The following CHD8 variants were observed in gnomAD, a reference collection of about 807,000 sequenced individuals.
CHD8 encodes the protein chromodomain helicase DNA binding protein 8, also known as ATP-dependent chromatin remodeler CHD8.
A neutral mutation model predicts 279.2 loss-of-function variants in CHD8; 31 were observed. The ratio of observed to expected loss-of-function variants is 0.11; its 90% CI spans 0.08 to 0.15. CHD8 has a LOEUF of 0.15. CHD8 is among the 10% of genes least tolerant of loss of function. CHD8 has a pLI of 1.00. For missense variants in CHD8, 2,146 were observed against 3,230.5 expected (o/e 0.66, Z 8.14); for synonymous variants, 1,081 against 1,139.6 (o/e 0.95, Z 1.04).
intron 1 of CHD8, 37 bp downstream of exon 1, chr14:21,455,995 C>G (rs1566460738): frequency 6.5e-6 from 1 of 152,676 alleles, no homozygotes; most frequent in Non-Finnish European, 1.5e-5. Flanking sequence ...TGACTCCTGG[C>G]CCAGCACTGA....
intron 1 of CHD8, among the ~76,000 whole-genome samples, chr14:21,445,786 G>A (rs1180806437): frequency 6.6e-6 from 1 of 150,956 alleles, no homozygotes; most frequent in African/African-American, 2.4e-5. Context: ...TGGATCACGA[G>A]GTCAGGAGTT....
At position 21,406,874 on chromosome 14, in the gene CHD8, A is replaced by G. The variant is rs571233967; in HGVS notation, c.2889T>C (p.Ser963=). 2 of 1,613,468 alleles carry G rather than the reference A, an allele frequency of 1.2e-6. No individual in the cohort carries two copies. Among genetic ancestry groups the G allele is most frequent in the Non-Finnish European group, 1.7e-6 (2 of 1,179,678 alleles). The change falls in exon 14 of 38, where the codon AGT becomes AGC. Residue 963 remains serine, a synonymous_variant. Transcript: ENST00000646647. ...LKNRNCKLLD[S]LKHMDLEHKV... ...AACTCACCAGGTCCATGTGCTTGAG[A>G]CTATCAAGCAGCTTGCAATTACGGT...
intron 16 of CHD8, among the ~76,000 whole-genome samples, chr14:21,404,567 G>A (rs115390303): frequency 0.013 from 1,929 of 152,272 alleles, 49 homozygotes; most frequent in African/African-American, 0.042. Context: ...CAGCAAAATG[G>A]AGTGTCGATG....
At position 21,412,897 on chromosome 14, in the gene CHD8, T is replaced by C. The variant is rs535796239; in HGVS notation, c.2226+16A>G. ...CTAAGAGGATGTTCACGTTACTCCATGCCTCAACAACTCACCTCCCCATTG... is the reference window on the plus strand; with the variant it reads ...CTAAGAGGATGTTCACGTTACTCCACGCCTCAACAACTCACCTCCCCATTG... On this transcript the variant is annotated intron_variant, in intron 10 of 37. Coordinates refer to ENST00000646647, the MANE Select transcript of CHD8 (RefSeq NM_001170629.2). 92 of 1,510,430 alleles carry C rather than the reference T, an allele frequency of 6.1e-5. 1 individual carries two copies. The South Asian group carries it at 8.2e-4, about 14-fold the overall frequency. The allele number at this position is 1,510,430 out of a possible 1,614,324, so 93.6% of individuals were successfully genotyped here. A position where few individuals can be genotyped will look rare whatever the true frequency, so the allele number is the denominator to read the frequency against.
Position 21,386,173 on chromosome 14 carries a change from G to T in CHD8, c.7186C>A (p.His2396Asn), listed in dbSNP as rs1367921517. 6.4e-7 allele frequency: 1 copy of T among 1,551,332 alleles called. No homozygotes were observed. The highest frequency in any genetic ancestry group is 8.7e-7 in the Non-Finnish European group (1 of 1,146,732). The change falls in exon 38 of 38, where the codon CAT becomes AAT. Residue 2396 changes from histidine to asparagine, a missense_variant. By Grantham distance (68) the His-to-Asn change is moderately conservative. Coordinates refer to ENST00000646647, the MANE Select transcript of CHD8 (RefSeq NM_001170629.2). ...CGGTTGAACACCGTTTCAGTGTGAT[G>T]ACCCTAGGAGGAGGGAATAGAAGAT... Reference protein sequence around the residue: ...TANSRNGKKGHHTETVFNRVL... With the variant: ...TANSRNGKKGNHTETVFNRVL...
Position 21,454,619 on chromosome 14 carries a change from T to C in CHD8, c.-216+1413A>G, listed in dbSNP as rs568468364. Among the ~76,000 whole-genome samples, 98 of 152,306 alleles carry C rather than the reference T, an allele frequency of 6.4e-4. No individual in the cohort carries two copies. In the Middle Eastern group the frequency reaches 0.017, roughly 26 times the overall value. ...CTGAGATTACAAGCGTGAGCCACTA[T>C]TTCAGTTTTAAACTTTCTCCTAAGC... is the stretch of plus-strand genomic sequence containing the variant. On this transcript the variant is annotated intron_variant, in intron 1 of 37. Transcript: ENST00000646647.
Position 21,385,361 on chromosome 14 carries a change from C to T in CHD8, c.*252G>A. 1.8e-6 allele frequency: 1 copy of T among 549,456 alleles called. No individual in the cohort carries two copies. The highest frequency in any genetic ancestry group is 3.1e-6 in the Non-Finnish European group (1 of 322,092). The allele number at this position is 549,456 out of a possible 1,614,324, so 34.0% of individuals were successfully genotyped here. On this transcript the variant is annotated 3_prime_UTR_variant, in exon 38 of 38. Coordinates refer to ENST00000646647, the MANE Select transcript of CHD8 (RefSeq NM_001170629.2). ...GGTGACTAGGGAGGGGTGAGCACAC[C>T]AGCTGCTCTAGTCTCCTTTCCTTCC...
At chr14:21,437,127 G>C in intron 1 of CHD8, 1 of 947,408 alleles carries the variant, frequency 1.1e-6, no homozygotes, top group Non-Finnish European at 1.4e-6. Context: ...AGGCCGAGAG[G>C]CCCGACAAGC....
intron 1 of CHD8, among the ~76,000 whole-genome samples, chr14:21,447,671 C>T (rs1890160563): frequency 6.6e-6 from 1 of 152,054 alleles, no homozygotes; most frequent in African/African-American, 2.4e-5. Flanking sequence ...TGCGCCCGGC[C>T]GGATGACACT....
At position 21,414,338 on chromosome 14, in the gene CHD8, T is replaced by C. The variant is rs1888628991; in HGVS notation, c.2105A>G (p.Lys702Arg). 2.5e-6 allele frequency: 4 copies of C among 1,572,694 alleles called. No individual in the cohort carries two copies. The highest frequency in any genetic ancestry group is 2.3e-5 in the East Asian group (1 of 43,870). Residue 702 changes from lysine (K) to arginine (R), a missense_variant, in exon 9 of 38, where the codon AAA becomes AGA. Lys to Arg is a conservative substitution (Grantham distance 26). Transcript: ENST00000646647. ...GTGTCTCATCTGAGCCATTTTGGTT[T>C]TGAAGCGCTTTAATTTTTGATGTAT... Reference protein sequence around the residue: ...KRIHQKLKRFKTKMAQMRHFF... With the variant: ...KRIHQKLKRFRTKMAQMRHFF...
intron 4 of CHD8, 142 bp downstream of exon 4, chr14:21,427,727 G>A: frequency 6.6e-7 from 1 of 1,519,164 alleles, no homozygotes; most frequent in Non-Finnish European, 8.8e-7. Flanking sequence ...GTAGTAAGGA[G>A]CACTCACTTG....
At chr14:21,442,285 G>A (rs770750048) in intron 1 of CHD8, among the ~76,000 whole-genome samples, 18 of 152,016 alleles carry the variant, frequency 1.2e-4, no homozygotes, top group Admixed American at 7.9e-4. Flanking sequence ...TGGGCAACAC[G>A]GCGAAACCCT....
At position 21,402,974 on chromosome 14, in the gene CHD8, C is replaced by T. The variant is rs747407264; in HGVS notation, c.3714+43G>A. The T allele has an allele frequency of 9.1e-5, 136 of 1,499,702 alleles. No individual in the cohort carries two copies. Among genetic ancestry groups the T allele is most frequent in the Non-Finnish European group, 8.0e-5 (87 of 1,093,426 alleles). The allele number at this position is 1,499,702 out of a possible 1,614,324, so 92.9% of individuals were successfully genotyped here. A position where few individuals can be genotyped will look rare whatever the true frequency, so the allele number is the denominator to read the frequency against. On this transcript the variant is annotated intron_variant, in intron 18 of 37. Transcript: ENST00000646647. This position sits in a 1 kb window ranked among gnomAD's most constrained non-coding sequence, Gnocchi z 4.5. ...AGATCCTATTCTTGTTGAAAAATCT[C>T]CCAAGTTAGGTAGTTAGTCCCTAAG...
At chr14:21,433,872 T>C (rs1435690117) in intron 1 of CHD8, among the ~76,000 whole-genome samples, 1 of 152,144 alleles carries the variant, frequency 6.6e-6, no homozygotes, top group African/African-American at 2.4e-5. Flanking sequence ...CTTCCTGATT[T>C]AACGAAAACC....
intron 5 of CHD8, among the ~76,000 whole-genome samples, chr14:21,425,106 C>T (rs1889250027): frequency 6.6e-6 from 1 of 152,090 alleles, no homozygotes; most frequent in African/African-American, 2.4e-5. Context: ...TTCCAACGTC[C>T]CTCATCTTCA....
At chr14:21,438,196 GA>G (rs1192626037) in intron 1 of CHD8, among the ~76,000 whole-genome samples, 1 of 152,044 alleles carries the variant, frequency 6.6e-6, no homozygotes, top group Non-Finnish European at 1.5e-5. Context: ...GAATAGCTGG[GA>G]TTACAGGCGC....
At chr14:21,397,511 G>A in intron 27 of CHD8, 2 of 381,710 alleles carry the variant, frequency 5.2e-6, no homozygotes, top group Non-Finnish European at 1.0e-5. Flanking sequence ...TATGAGAGCT[G>A]CTGGCTGTTA....
At chr14:21,432,901 TG>T (rs1889623304) in intron 1 of CHD8, among the ~76,000 whole-genome samples, 1 of 152,082 alleles carries the variant, frequency 6.6e-6, no homozygotes, top group Admixed American at 6.5e-5. Context: ...AAGGCCCAAA[TG>T]GTTCCTTTGC....
At chr14:21,441,218 T>C (rs1889952232) in intron 1 of CHD8, among the ~76,000 whole-genome samples, 1 of 152,172 alleles carries the variant, frequency 6.6e-6, no homozygotes, top group Non-Finnish European at 1.5e-5. Context: ...TATAGACTGG[T>C]CAGCAGTGTG....
Sources: gnomAD v4.1 joint callset for allele counts (sites outside exome capture counted in the v4.1 genomes callset) on GRCh38, gnomAD v4.1.1 for gene constraint, Gnocchi (gnomAD v3.1) non-coding constraint, MANE v1.5 for transcripts, NCBI Gene and HGNC (gene_info 2026-07-23, HGNC 2026-07-21) for gene names.